The following SARNP variants were observed in gnomAD, a reference collection of about 807,000 sequenced individuals.
SARNP encodes the protein SAP domain containing ribonucleoprotein.
A neutral mutation model predicts 38.1 loss-of-function variants in SARNP; 5 were observed. The observed-to-expected ratio is 0.13, with a 90% CI of 0.07 to 0.28. SARNP has a LOEUF of 0.28. SARNP is among the 10% of genes least tolerant of loss of function. SARNP has a pLI of 1.00. For synonymous variants in SARNP, 84 were observed against 80.6 expected, an observed-to-expected ratio of 1.04 and a Z score of -0.23; for missense variants, 180 against 243.9, an observed-to-expected ratio of 0.74 and a Z score of 1.75.
chr12:55,808,411 C>T (rs1880221648), intron 1 of SARNP, among the ~76,000 whole-genome samples: 1 of 151,994 alleles, frequency 6.6e-6, no homozygotes, highest in Non-Finnish European at 1.5e-5. Flanking sequence ...CTCCACCTCC[C>T]GAGTTCAAGC....
At chr12:55,787,962 G>T (rs192093642) in intron 9 of SARNP, among the ~76,000 whole-genome samples, 1 of 151,600 alleles carries the variant, frequency 6.6e-6, no homozygotes, top group Non-Finnish European at 1.5e-5. Flanking sequence ...TGTTAGCCAG[G>T]ATGGTCTCAA....
At chr12:55,757,609 T>A (rs1878551145) in intron 10 of SARNP, 56 bp from the exon 11 acceptor site, 3 of 1,431,836 alleles carry the variant, frequency 2.1e-6, no homozygotes, top group African/African-American at 1.4e-5. Context: ...GTTGCCTGGG[T>A]TCCTGGCTGC....
At chr12:55,790,670 C>G in intron 7 of SARNP, 78 bp from the exon 8 acceptor site, 2 of 1,305,274 alleles carry the variant, frequency 1.5e-6, no homozygotes, top group Non-Finnish European at 1.0e-6. Flanking sequence ...AATTAGGCAA[C>G]ATAAAAACAT....
chr12:55,778,747 G>A lies in SARNP; in HGVS notation c.501+10328C>T, dbSNP rs895057254. 5.9e-5 allele frequency among the ~76,000 whole-genome samples: 9 copies of A among 152,202 alleles called. 1 individual carries two copies. Among genetic ancestry groups the A allele is most frequent in the Admixed American group, 4.6e-4 (7 of 15,270 alleles). On this transcript the variant is annotated intron_variant, in intron 9 of 10. Transcript: ENST00000336133. ...AGCACTTTGGGAGGCTGAGGCTGGC[G>A]GATCACAAGATCAGGAGTTTAAGAT...
At chr12:55,774,948 G>A (rs1387413615) in intron 9 of SARNP, among the ~76,000 whole-genome samples, 19 of 145,026 alleles carry the variant, frequency 1.3e-4, no homozygotes, top group African/African-American at 3.1e-4. Flanking sequence ...GCACAGTGGC[G>A]CAATCTTGGC....
intron 9 of SARNP, among the ~76,000 whole-genome samples, chr12:55,768,219 G>A (rs968636304): frequency 2.0e-5 from 3 of 151,980 alleles, no homozygotes; most frequent in Non-Finnish European, 4.4e-5. Flanking sequence ...TCCGCCTCCC[G>A]GGTTCAGGCG....
At chr12:55,768,194 C>T (rs1447203071) in intron 9 of SARNP, among the ~76,000 whole-genome samples, 6 of 152,092 alleles carry the variant, frequency 3.9e-5, no homozygotes, top group African/African-American at 7.2e-5. Flanking sequence ...GGCGTGACAT[C>T]GGCTCACTGC....
chr12:55,782,615 C>G (rs1879372880), intron 9 of SARNP, among the ~76,000 whole-genome samples: 1 of 152,102 alleles, frequency 6.6e-6, no homozygotes, highest in Non-Finnish European at 1.5e-5. Context: ...GAGATGGGGT[C>G]TCACTCCATC....
chr12:55,817,198 G>A (rs1263169096), intron 1 of SARNP, among the ~76,000 whole-genome samples: 1 of 152,104 alleles, frequency 6.6e-6, no homozygotes, highest in Non-Finnish European at 1.5e-5. Context: ...AGTATTTTCT[G>A]AGTGTCTGGT....
chr12:55,785,481 ATTTTT>A (rs898278450), intron 9 of SARNP, among the ~76,000 whole-genome samples: 6 of 146,798 alleles, frequency 4.1e-5, no homozygotes, highest in Non-Finnish European at 9.1e-5. Flanking sequence ...ACTGTATACA[ATTTTT>A]TTTTTTTTAA....
At chr12:55,803,992 CTG>C (rs1440609214) in intron 1 of SARNP, among the ~76,000 whole-genome samples, 1 of 152,168 alleles carries the variant, frequency 6.6e-6, no homozygotes, top group Non-Finnish European at 1.5e-5. Flanking sequence ...TACCTACTAA[CTG>C]TCACAAATCT....
chr12:55,771,368 C>A (rs1033238237), intron 9 of SARNP, among the ~76,000 whole-genome samples: 1 of 152,110 alleles, frequency 6.6e-6, no homozygotes. Flanking sequence ...CTCAGTAATT[C>A]CCAAGAACAC....
chr12:55,813,179 C>T (rs1467046437), intron 1 of SARNP, among the ~76,000 whole-genome samples: 5 of 152,200 alleles, frequency 3.3e-5, no homozygotes, highest in South Asian at 2.1e-4. Flanking sequence ...CTCCTGACCT[C>T]GTGATCTGCC....
chr12:55,783,564 T>C (rs530274131), intron 9 of SARNP, among the ~76,000 whole-genome samples: 1 of 146,822 alleles, frequency 6.8e-6, no homozygotes, highest in Non-Finnish European at 1.5e-5. Flanking sequence ...GAAAAGGACA[T>C]GATGATTTAG....
Position 55,757,559 on chromosome 12 carries a change from A to G in SARNP, c.592-6T>C, listed in dbSNP as rs1178294263. On this transcript the variant is annotated splice_polypyrimidine_tract_variant and splice_region_variant and intron_variant, in intron 10 of 10. Transcript: ENST00000336133. Reference sequence around the variant, plus strand: ...GCTCTTTTCCTCTTCTTTGCCTGTAAAGAAGAAGCAAGAAGAAAAAAATTA... The same window carrying G: ...GCTCTTTTCCTCTTCTTTGCCTGTAGAGAAGAAGCAAGAAGAAAAAAATTA... 6.3e-7 allele frequency: 1 copy of G among 1,578,972 alleles called. No homozygotes were observed. Among genetic ancestry groups the G allele is most frequent in the South Asian group, 1.1e-5 (1 of 89,276 alleles).
At chr12:55,780,714 T>C (rs1235250010) in intron 9 of SARNP, among the ~76,000 whole-genome samples, 4 of 152,054 alleles carry the variant, frequency 2.6e-5, no homozygotes, top group Non-Finnish European at 4.4e-5. Flanking sequence ...ACTACTCTTG[T>C]GCATTAGGGC....
chr12:55,760,714 CT>C, intron 9 of SARNP, 74 bp from the exon 10 acceptor site: 1 of 1,034,630 alleles, frequency 9.7e-7, no homozygotes. Context: ...GAAATGATAA[CT>C]TATTGGTCAC....
rs887092026 is a variant in SARNP at position 55,817,660 on chromosome 12, C to T, written c.36+6G>A. 3.1e-6 allele frequency: 5 copies of T among 1,610,984 alleles called. No individual in the cohort carries two copies. The Admixed American group carries it at 6.7e-5, about 22-fold the overall frequency. On this transcript the variant is annotated splice_donor_region_variant and intron_variant, in intron 1 of 10. Transcript: ENST00000336133. Reference sequence around the variant, plus strand: ...TCCAACTCAGCCCTTCCCCGATTCACGGTACCTTTAGCTTATGGAGCTCCA... The same window carrying T: ...TCCAACTCAGCCCTTCCCCGATTCATGGTACCTTTAGCTTATGGAGCTCCA...
At chr12:55,815,648 G>C (rs183864947) in intron 1 of SARNP, among the ~76,000 whole-genome samples, 17 of 152,202 alleles carry the variant, frequency 1.1e-4, no homozygotes, top group Admixed American at 2.0e-4. Context: ...ATTTTTGGTA[G>C]AGGCGGGGTT....
Sources: gnomAD v4.1 joint callset for allele counts (sites outside exome capture counted in the v4.1 genomes callset) on GRCh38, gnomAD v4.1.1 for gene constraint, MANE v1.5 for transcripts, NCBI Gene and HGNC (gene_info 2026-07-23, HGNC 2026-07-21) for gene names.